The following TVP23A variants were observed in gnomAD, a reference collection of about 807,000 sequenced individuals.
TVP23A encodes Golgi apparatus membrane protein TVP23 homolog A.
Under a neutral mutation model 31.7 loss-of-function variants are expected in TVP23A, and 21 were observed. The ratio of observed to expected loss-of-function variants is 0.66; its 90% CI spans 0.47 to 0.95. The LOEUF is 0.95. TVP23A is among the 40% of genes least tolerant of loss of function. TVP23A has a pLI of 0.00. For synonymous variants in TVP23A, 104 were observed against 96.0 expected, an observed-to-expected ratio of 1.08 and a Z score of -0.49; for missense variants, 279 against 255.6, an observed-to-expected ratio of 1.09 and a Z score of -0.62.
chr16:10,783,900 T>TA (rs1403189695), intron 2 of TVP23A, among the ~76,000 whole-genome samples: 4 of 151,992 alleles, frequency 2.6e-5, no homozygotes, highest in Non-Finnish European at 5.9e-5. Context: ...CTAGAGACAG[T>TA]AAAAAGATCA....
chr16:10,791,068 G>C (rs1033738743), intron 2 of TVP23A, among the ~76,000 whole-genome samples: 10 of 152,188 alleles, frequency 6.6e-5, no homozygotes, highest in Admixed American at 5.9e-4. Flanking sequence ...TTTATTTTTG[G>C]TTTACAGGCT....
At chr16:10,805,659 C>CT (rs760420412) in intron 2 of TVP23A, among the ~76,000 whole-genome samples, 58 of 151,120 alleles carry the variant, frequency 3.8e-4, no homozygotes, top group Non-Finnish European at 6.9e-4. Flanking sequence ...CCCCTGGACG[C>CT]TTTTTTATCA....
rs1255515233 is a variant in TVP23A, at chr16:10,766,868, A to G, written c.*2234T>C. On this transcript the variant is annotated 3_prime_UTR_variant, in exon 8 of 8. Transcript: ENST00000299866. This position sits in a 1 kb window ranked among gnomAD's most constrained non-coding sequence, Gnocchi z 4.8. ...CAAAGTCATTTACGGCATACGTCCT[A>G]TGGAGAGGACATTTCCTGTTATGGC... 2.5e-6 allele frequency: 1 copy of G among 398,366 alleles called. No individual in the cohort carries two copies. The highest frequency in any genetic ancestry group is 4.4e-6 in the Non-Finnish European group (1 of 226,086). The allele number at this position is 398,366 out of a possible 1,614,324, so 24.7% of individuals were successfully genotyped here. A position where few individuals can be genotyped will look rare whatever the true frequency, so the allele number is the denominator to read the frequency against.
chr16:10,784,965 C>T (rs116839256), intron 2 of TVP23A, among the ~76,000 whole-genome samples: 5,918 of 151,392 alleles, frequency 0.039, 370 homozygotes, highest in African/African-American at 0.14. Flanking sequence ...AATGTGGTGG[C>T]GGGCGCCTGT....
chr16:10,770,173 AG>A (rs1344202097), intron 7 of TVP23A, 98 bp downstream of exon 7: 3 of 1,445,182 alleles, frequency 2.1e-6, no homozygotes, highest in Non-Finnish European at 2.8e-6. Flanking sequence ...CCCAGGGAAC[AG>A]GGGAAGCCCA....
Position 10,818,066 on chromosome 16 carries a change from T to A in TVP23A, c.89+37A>T. On this transcript the variant is annotated intron_variant, in intron 2 of 7. Transcript: ENST00000299866. This position sits in a 1 kb window ranked among gnomAD's most constrained non-coding sequence, Gnocchi z 4.7. Reference sequence around the variant, plus strand: ...TGAGTAAATGAATGAATTTGCAGCTTTGGGGAACGCCTGACCCAAGCTCCA... The same window carrying A: ...TGAGTAAATGAATGAATTTGCAGCTATGGGGAACGCCTGACCCAAGCTCCA... The A allele has an allele frequency of 6.5e-7, 1 of 1,547,146 alleles. No homozygotes were observed. Among genetic ancestry groups the A allele is most frequent in the African/African-American group, 1.4e-5 (1 of 73,668 alleles).
At chr16:10,778,737 G>A (rs531609251) in intron 2 of TVP23A, among the ~76,000 whole-genome samples, 4 of 151,920 alleles carry the variant, frequency 2.6e-5, no homozygotes, top group Admixed American at 2.0e-4. Context: ...AGGCTGAGGC[G>A]GCTGGATCAC....
At position 10,769,075 on chromosome 16, in the gene TVP23A, G is replaced by T. The variant is rs768402371; in HGVS notation, c.*27C>A. ...TCCAAGAGTTTTGTAATCTCCATCA[G>T]TCAAAAGAAGAGAACCTCATCAGTT... On this transcript the variant is annotated 3_prime_UTR_variant, in exon 8 of 8. Coordinates refer to ENST00000299866, the MANE Select transcript of TVP23A (RefSeq NM_001079512.4). 1 of 1,614,080 alleles carries T rather than the reference G, an allele frequency of 6.2e-7. No homozygotes were observed. The highest frequency in any genetic ancestry group is 8.5e-7 in the Non-Finnish European group (1 of 1,180,014).
At chr16:10,816,931 A>ACC (rs2143011563) in intron 2 of TVP23A, among the ~76,000 whole-genome samples, 1 of 134,852 alleles carries the variant, frequency 7.4e-6, no homozygotes, top group African/African-American at 3.1e-5. Context: ...AACTTCACAC[A>ACC]CACACACACA....
rs1454604159 is a variant in TVP23A at position 10,774,107 on chromosome 16, C to T, written c.256G>A (p.Val86Met). The T allele has an allele frequency of 6.2e-7, 1 of 1,610,714 alleles. No homozygotes were observed. The highest frequency in any genetic ancestry group is 8.5e-7 in the Non-Finnish European group (1 of 1,178,622). Residue 86 changes from valine to methionine, a missense_variant, in exon 4 of 8, where the codon GTG (valine) becomes ATG (methionine). Transcript: ENST00000299866. ...ATCTGGTTCCACCATCGAAGGCCCA[C>T]CAGGAGTCTTCCGGTTACATTCTGA... Reference protein sequence around the residue: ...SVKNVTGRLLVGLRWWNQIDE... With the variant: ...SVKNVTGRLLMGLRWWNQIDE...
At chr16:10,785,398 C>T (rs921827850) in intron 2 of TVP23A, among the ~76,000 whole-genome samples, 3 of 150,238 alleles carry the variant, frequency 2.0e-5, no homozygotes, top group African/African-American at 7.4e-5. Flanking sequence ...AGCAAGACTC[C>T]ATCTCAAAAA....
At chr16:10,773,849 G>T (rs1025205008) in intron 4 of TVP23A, among the ~76,000 whole-genome samples, 190 bp downstream of exon 4, 4 of 152,196 alleles carry the variant, frequency 2.6e-5, no homozygotes, top group Non-Finnish European at 5.9e-5. Context: ...GGGATTGCAG[G>T]CGTGAGCCAC....
downstream of TVP23A, chr16:10,760,829 T>C (rs1444519401): frequency 6.5e-6 from 1 of 153,844 alleles, no homozygotes; most frequent in African/African-American, 2.4e-5. Context: ...TTAGCACTAG[T>C]AGGTACTAAA....
At position 10,771,700 on chromosome 16, in the gene TVP23A, G is replaced by C; in HGVS notation, c.552C>G (p.Ala184=). The change falls in exon 6 of 8, where the codon GCC becomes GCG. Residue 184 remains alanine, a synonymous_variant. Coordinates refer to ENST00000299866, the MANE Select transcript of TVP23A (RefSeq NM_001079512.4). ...GGAACACTGTCTGGGACAGGAAACT[G>C]GCTGTGACCTTGCCAATGTCACTGT... The part of the protein sequence containing the change: ...GGNSDIGKVT[A]SFLSQTVFQT... 6.2e-7 allele frequency: 1 copy of C among 1,613,732 alleles called. No homozygotes were observed. The highest frequency in any genetic ancestry group is 8.5e-7 in the Non-Finnish European group (1 of 1,179,818).
Position 10,818,105 on chromosome 16 carries a change from G to A in TVP23A, c.87C>T (p.Ile29=). Residue 29 remains isoleucine (I), a splice_region_variant and synonymous_variant, in exon 2 of 8, where the codon ATC becomes ATT. Transcript: ENST00000299866. The surrounding 1 kb of genome is among the most constrained non-coding windows in gnomAD (Gnocchi z 4.7). The part of the protein sequence containing the change: ...EEELAFRKAK[I]RHPLATFFHL... ...ACCCAAGCTCCATCCCAACACACCT[G>A]ATCTTGGCTTTCCTAAAGGCCAGCT... 6.2e-7 allele frequency: 1 copy of A among 1,607,422 alleles called. No homozygotes were observed. The highest frequency in any genetic ancestry group is 8.5e-7 in the Non-Finnish European group (1 of 1,177,092).
chr16:10,818,022 T>C lies in TVP23A; in HGVS notation c.89+81A>G. 8.1e-7 allele frequency: 1 copy of C among 1,237,704 alleles called. No homozygotes were observed. Among genetic ancestry groups the C allele is most frequent in the Non-Finnish European group, 1.2e-6 (1 of 860,818 alleles). The allele number at this position is 1,237,704 out of a possible 1,614,324, so 76.7% of individuals were successfully genotyped here. On this transcript the variant is annotated intron_variant, in intron 2 of 7. Coordinates refer to ENST00000299866, the MANE Select transcript of TVP23A (RefSeq NM_001079512.4). The surrounding 1 kb of genome is among the most constrained non-coding windows in gnomAD (Gnocchi z 4.7). ...GACCTGGCACACAGTAGGTGCTCAA[T>C]ATATTTTGAATGAATGAGTGAGTAA...
chr16:10,757,959 C>A, downstream of TVP23A: 1 of 1,614,078 alleles, frequency 6.2e-7, no homozygotes, highest in Non-Finnish European at 8.5e-7. This position sits in a 1 kb window ranked among gnomAD's most constrained non-coding sequence, Gnocchi z 4.1. Context: ...GTCGGATGAA[C>A]ACCTCTCGGT....
chr16:10,775,776 T>A (rs2031972825), intron 2 of TVP23A, among the ~76,000 whole-genome samples: 1 of 131,854 alleles, frequency 7.6e-6, no homozygotes, highest in African/African-American at 3.0e-5. Context: ...TGAGATGGAG[T>A]CTTGCTCTGT....
chr16:10,782,402 A>G (rs188432737), intron 2 of TVP23A, among the ~76,000 whole-genome samples: 2 of 152,208 alleles, frequency 1.3e-5, no homozygotes, highest in African/African-American at 2.4e-5. Flanking sequence ...GTCTTTACCT[A>G]TAACTGTCTT....
Sources: gnomAD v4.1 joint callset for allele counts (sites outside exome capture counted in the v4.1 genomes callset) on GRCh38, gnomAD v4.1.1 for gene constraint, Gnocchi (gnomAD v3.1) non-coding constraint, MANE v1.5 for transcripts, NCBI Gene and HGNC (gene_info 2026-07-23, HGNC 2026-07-21) for gene names.